The following PCDH15 variants were observed in gnomAD, a reference collection of about 807,000 sequenced individuals.
PCDH15 encodes protocadherin-15.
PCDH15 carries 129 observed loss-of-function variants against 178.5 expected under a neutral mutation model. The observed-to-expected ratio is 0.72, with a 90% CI of 0.63 to 0.84. PCDH15 has a LOEUF of 0.84. Among genes scored for constraint, PCDH15 ranks in the 40% least tolerant of loss-of-function variants. The pLI, the probability that PCDH15 is intolerant of heterozygous loss-of-function variation, is 0.00. For missense variants in PCDH15, 2,230 were observed against 2,099.9 expected, an observed-to-expected ratio of 1.06 and a Z score of -1.21; for synonymous variants, 800 against 732.0, an observed-to-expected ratio of 1.09 and a Z score of -1.50.
chr10:53,931,139 G>T (rs891405882), intron 25 of PCDH15, among the ~76,000 whole-genome samples: 1 of 152,150 alleles, frequency 6.6e-6, no homozygotes, highest in African/African-American at 2.4e-5. Flanking sequence ...AAACTCCAAA[G>T]CTTTTCAGAT....
At chr10:55,420,735 T>A (rs1838600652) in intron 2 of PCDH15, among the ~76,000 whole-genome samples, 1 of 151,628 alleles carries the variant, frequency 6.6e-6, no homozygotes, top group Non-Finnish European at 1.5e-5. Context: ...AATGTAACAA[T>A]GGCTTAAGAG....
chr10:54,036,613 G>T (rs947920892), intron 18 of PCDH15, among the ~76,000 whole-genome samples: 2 of 151,802 alleles, frequency 1.3e-5, no homozygotes. Flanking sequence ...AAACATTACT[G>T]CTCATTGAGA....
chr10:54,748,075 A>G (rs1027773180), intron 1 of PCDH15, among the ~76,000 whole-genome samples: 6 of 151,944 alleles, frequency 3.9e-5, no homozygotes, highest in African/African-American at 1.2e-4. Flanking sequence ...AAAGTGCTGG[A>G]ATTACAAGGC....
At chr10:54,739,642 A>G (rs2132780463) in intron 1 of PCDH15, among the ~76,000 whole-genome samples, 1 of 152,084 alleles carries the variant, frequency 6.6e-6, no homozygotes, top group South Asian at 2.1e-4. Flanking sequence ...AAAAGAACAA[A>G]GCTATAGTAT....
chr10:55,348,014 G>A (rs1844808878), intron 2 of PCDH15, among the ~76,000 whole-genome samples: 1 of 151,926 alleles, frequency 6.6e-6, no homozygotes, highest in Admixed American at 6.6e-5. Context: ...TTTTGATAAT[G>A]TAGGGCAATT....
chr10:54,249,524 C>T (rs2056292247), intron 8 of PCDH15, among the ~76,000 whole-genome samples: 1 of 152,070 alleles, frequency 6.6e-6, no homozygotes, highest in South Asian at 2.1e-4. Flanking sequence ...TTAATTTGGG[C>T]ATTTTAAAAT....
chr10:54,325,013 C>CTTTCATATCTCTAAATTTT (rs71007833), intron 7 of PCDH15, among the ~76,000 whole-genome samples: 1 of 151,290 alleles, frequency 6.6e-6, no homozygotes, highest in Non-Finnish European at 1.5e-5. Context: ...CCCATTTGAT[C>CTTTCATATCTCTAAATTTT]TTTCTAGATC....
chr10:53,922,237 A>C (rs1240043338), intron 25 of PCDH15, among the ~76,000 whole-genome samples: 1 of 152,148 alleles, frequency 6.6e-6, no homozygotes, highest in African/African-American at 2.4e-5. Flanking sequence ...AAAGGAGTAG[A>C]TGAAGCATAT....
intron 1 of PCDH15, among the ~76,000 whole-genome samples, chr10:54,670,640 A>T (rs187303680): frequency 1.3e-5 from 2 of 152,280 alleles, no homozygotes; most frequent in Admixed American, 1.3e-4. Flanking sequence ...TAGTCATACT[A>T]GTTGGTTTAA....
At chr10:54,137,088 A>T (rs990071119) in intron 14 of PCDH15, among the ~76,000 whole-genome samples, 2 of 152,186 alleles carry the variant, frequency 1.3e-5, no homozygotes, top group African/African-American at 4.8e-5. Flanking sequence ...CCATAGTATT[A>T]ACAATAAAAT....
Position 54,195,905 on chromosome 10 carries a change from A to T in PCDH15, c.1099-16T>A. The T allele has an allele frequency of 1.2e-6, 2 of 1,604,580 alleles. No homozygotes were observed. Among genetic ancestry groups the T allele is most frequent in the South Asian group, 2.2e-5 (2 of 90,844 alleles). ...CTTGTTCAGCCTAAAATTGAAAAGA[A>T]AAGAAAATATTTAGAAAGTATATGT... is the stretch of plus-strand genomic sequence containing the variant. On this transcript the variant is annotated splice_polypyrimidine_tract_variant and intron_variant, in intron 10 of 37. Transcript: ENST00000644397.
chr10:54,301,515 G>C (rs764699044), intron 8 of PCDH15, among the ~76,000 whole-genome samples: 3 of 152,090 alleles, frequency 2.0e-5, no homozygotes, highest in Non-Finnish European at 2.9e-5. Context: ...TTAATTATGA[G>C]AGGGGAGTTG....
chr10:54,937,240 T>A (rs562895109), intron 2 of PCDH15, among the ~76,000 whole-genome samples: 1 of 151,804 alleles, frequency 6.6e-6, no homozygotes, highest in Admixed American at 6.6e-5. Context: ...AATTGGAAAA[T>A]GTAAGTCCTT....
intron 2 of PCDH15, among the ~76,000 whole-genome samples, chr10:55,530,360 A>G (rs1841421742): frequency 6.6e-6 from 1 of 151,896 alleles, no homozygotes; most frequent in Non-Finnish European, 1.5e-5. Context: ...TTCACATATG[A>G]ATTTTAAAAA....
At position 55,352,545 on chromosome 10, in the gene PCDH15, G is replaced by C. The variant is rs143982463; in HGVS notation, c.-155-185894C>G. 1.7e-4 allele frequency among the ~76,000 whole-genome samples: 26 copies of C among 152,218 alleles called. No homozygotes were observed. The East Asian group carries it at 4.6e-3, about 27-fold the overall frequency. The stretch of plus-strand genomic sequence containing the variant: ...TGATCCTCTTACAACTACAAGAGAA[G>C]TTGCCAAAGAACACAATGCCAACCA... On this transcript the variant is annotated intron_variant, in intron 2 of 5. Transcript: ENST00000613346.
chr10:55,145,012 C>G lies in PCDH15; in HGVS notation c.-80+21564G>C, dbSNP rs531549003. Among the ~76,000 whole-genome samples, 7 of 152,090 alleles carry G rather than the reference C, an allele frequency of 4.6e-5. No homozygotes were observed. In the South Asian group the frequency reaches 1.5e-3, roughly 32 times the overall value. On this transcript the variant is annotated intron_variant, in intron 2 of 5. Transcript: ENST00000458638. Reference sequence around the variant, plus strand: ...TTTGGATTATAACTACAGAAATTCTCTATTAACATGACAAATATAAATAGT... The same window carrying G: ...TTTGGATTATAACTACAGAAATTCTGTATTAACATGACAAATATAAATAGT...
At chr10:55,155,355 T>G (rs1275535723) in intron 2 of PCDH15, among the ~76,000 whole-genome samples, 1 of 151,994 alleles carries the variant, frequency 6.6e-6, no homozygotes, top group Non-Finnish European at 1.5e-5. Context: ...TTATGAAGTG[T>G]TATTTTGATA....
intron 2 of PCDH15, among the ~76,000 whole-genome samples, chr10:54,593,828 T>A (rs1020732090): frequency 3.3e-5 from 5 of 152,076 alleles, no homozygotes; most frequent in Non-Finnish European, 7.3e-5. Context: ...CATGGATGAA[T>A]GTTTTTTCAT....
At chr10:54,624,011 G>A (rs2093467381) in intron 2 of PCDH15, among the ~76,000 whole-genome samples, 1 of 152,100 alleles carries the variant, frequency 6.6e-6, no homozygotes. Flanking sequence ...AGAACAGAGA[G>A]TACATGTTTG....
Sources: allele counts gnomAD v4.1 joint callset (sites outside exome capture counted in the v4.1 genomes callset), GRCh38; gene constraint gnomAD v4.1.1; transcripts MANE v1.5; gene names NCBI Gene and HGNC (gene_info 2026-07-23, HGNC 2026-07-21).